Variants in PPP6R2 observed in about 807,000 individuals in gnomAD.
PPP6R2 encodes serine/threonine-protein phosphatase 6 regulatory subunit 2.
Under a neutral mutation model 100.2 loss-of-function variants are expected in PPP6R2, and 62 were observed. The ratio of observed to expected loss-of-function variants is 0.62; its 90% CI spans 0.50 to 0.76. The LOEUF (loss-of-function observed/expected upper bound fraction) is 0.76. PPP6R2 is among the 30% of genes least tolerant of loss of function. The pLI, the probability that PPP6R2 is intolerant of heterozygous loss-of-function variation, is 0.00. For synonymous variants in PPP6R2, 525 were observed against 514.7 expected (o/e 1.02, Z -0.27); for missense variants, 1,142 against 1,276.3 (o/e 0.89, Z 1.60).
At chr22:50,399,736 A>G (rs2057715310) in intron 3 of PPP6R2, among the ~76,000 whole-genome samples, 1 of 152,272 alleles carries the variant, frequency 6.6e-6, no homozygotes, top group African/African-American at 2.4e-5. Flanking sequence ...AAGGCCTCAC[A>G]TGCAGCTAGC....
intron 17 of PPP6R2, 100 bp downstream of exon 17, chr22:50,438,000 G>T (rs2064759779): frequency 6.6e-7 from 1 of 1,516,406 alleles, no homozygotes. Context: ...GGTGGGGCTG[G>T]GAGAGGCCCC....
chr22:50,338,196 AGT>A, the PPP6R2 span, among the ~76,000 whole-genome samples: 4 of 103,478 alleles, frequency 3.9e-5, no homozygotes, highest in African/African-American at 1.2e-4. Flanking sequence ...GTGTGGGTAT[AGT>A]GTGTGTCGGG....
At chr22:50,372,563 C>CAA (rs943136886) in intron 2 of PPP6R2, among the ~76,000 whole-genome samples, 2 of 151,848 alleles carry the variant, frequency 1.3e-5, no homozygotes, top group Non-Finnish European at 2.9e-5. Context: ...CAAAACAAAA[C>CAA]AAAACAAAAA....
chr22:50,420,598 G>C (rs1354420416), intron 8 of PPP6R2, among the ~76,000 whole-genome samples: 2 of 152,238 alleles, frequency 1.3e-5, no homozygotes, highest in Admixed American at 6.5e-5. Flanking sequence ...AGTCATAGAA[G>C]GCTGGGCACT....
In PPP6R2 at chr22:50,436,987, G is replaced by A; in HGVS notation, c.1603-1G>A. 6.4e-7 allele frequency: 1 copy of A among 1,555,118 alleles called. No individual in the cohort carries two copies. Among genetic ancestry groups the A allele is most frequent in the South Asian group, 1.2e-5 (1 of 84,368 alleles). On this transcript the variant is annotated splice_acceptor_variant, in intron 14 of 23. Coordinates refer to ENST00000612753, the MANE Select transcript of PPP6R2 (RefSeq NM_001242898.2). LOFTEE classifies it high-confidence loss of function. Reference sequence around the variant, plus strand: ...CCCACCCCATCTGGCCTGTGTTTTAGGTGAGCACTCACCACCTTCACTCCT... The same window carrying A: ...CCCACCCCATCTGGCCTGTGTTTTAAGTGAGCACTCACCACCTTCACTCCT...
chr22:50,429,453 G>A (rs1453019729), intron 10 of PPP6R2, among the ~76,000 whole-genome samples: 1 of 152,194 alleles, frequency 6.6e-6, no homozygotes, highest in Non-Finnish European at 1.5e-5. Flanking sequence ...TTGCATTTGA[G>A]GAGCAAATCC....
chr22:50,379,657 G>C (rs1212072820), intron 2 of PPP6R2, among the ~76,000 whole-genome samples: 1 of 151,858 alleles, frequency 6.6e-6, no homozygotes, highest in African/African-American at 2.4e-5. Flanking sequence ...CTTTGGGAGG[G>C]TCACTTGAGC....
At chr22:50,396,024 G>A (rs942356191) in intron 3 of PPP6R2, among the ~76,000 whole-genome samples, 5 of 150,638 alleles carry the variant, frequency 3.3e-5, no homozygotes, top group African/African-American at 9.8e-5. Flanking sequence ...GTGAAACCCC[G>A]TCTCTAATAA....
In PPP6R2 at chr22:50,372,527, C is replaced by T. The variant is rs889928651; in HGVS notation, c.-17+377C>T. Among the ~76,000 whole-genome samples, 14 of 151,696 alleles carry T rather than the reference C, an allele frequency of 9.2e-5. 2 individuals carry two copies. Among genetic ancestry groups the T allele is most frequent in the South Asian group, 8.4e-4 (4 of 4,764 alleles). ...TCGTGTCACTGTACTCCAGTCTGGG[C>T]GACAGAGCAAGACTCTGTTTCAAAA... On this transcript the variant is annotated intron_variant, in intron 2 of 23. Transcript: ENST00000612753.
chr22:50,384,040 A>AC (rs1556003458), intron 2 of PPP6R2, among the ~76,000 whole-genome samples: 7 of 150,744 alleles, frequency 4.6e-5, no homozygotes, highest in African/African-American at 7.3e-5. Context: ...CATCTCAAAA[A>AC]AAAAAAAAAA....
chr22:50,419,669 T>A (rs972563403), intron 8 of PPP6R2, among the ~76,000 whole-genome samples: 1 of 152,246 alleles, frequency 6.6e-6, no homozygotes, highest in Non-Finnish European at 1.5e-5. Context: ...GTGCTCCCTC[T>A]CCAGCCTGAA....
chr22:50,331,325 A>C, the PPP6R2 span, among the ~76,000 whole-genome samples: 6 of 151,958 alleles, frequency 3.9e-5, no homozygotes, highest in African/African-American at 1.5e-4. Flanking sequence ...GATATGTAGG[A>C]GTGAAAGTAT....
chr22:50,380,918 G>A (rs1366475779), intron 2 of PPP6R2, among the ~76,000 whole-genome samples: 1 of 150,674 alleles, frequency 6.6e-6, no homozygotes, highest in Admixed American at 6.6e-5. Flanking sequence ...GAACCCAGGA[G>A]GCGGAGCTTG....
intron 1 of PPP6R2, among the ~76,000 whole-genome samples, chr22:50,356,464 A>G (rs559081647): frequency 6.6e-6 from 1 of 152,132 alleles, no homozygotes; most frequent in East Asian, 1.9e-4. Context: ...CACCATGTCC[A>G]GCTAATTTTT....
chr22:50,426,348 A>G (rs2147942271), intron 10 of PPP6R2, among the ~76,000 whole-genome samples: 1 of 152,348 alleles, frequency 6.6e-6, no homozygotes, highest in South Asian at 2.1e-4. Flanking sequence ...TTTCGGTGTC[A>G]TATCCAAAAA....
intron 2 of PPP6R2, among the ~76,000 whole-genome samples, chr22:50,373,269 T>A (rs1344889220): frequency 7.2e-6 from 1 of 139,362 alleles, no homozygotes; most frequent in Non-Finnish European, 1.5e-5. Flanking sequence ...TGAGACAGAG[T>A]CTTGCTCAGT....
At chr22:50,408,944 G>A (rs996775679) in intron 4 of PPP6R2, among the ~76,000 whole-genome samples, 20 of 152,138 alleles carry the variant, frequency 1.3e-4, no homozygotes, top group Admixed American at 7.2e-4. Flanking sequence ...GAGAAACCCC[G>A]TCTCTACTAA....
intron 16 of PPP6R2, 37 bp from the exon 17 acceptor site, chr22:50,437,806 T>G (rs5770779): frequency 5.8e-6 from 9 of 1,550,110 alleles, no homozygotes; most frequent in African/African-American, 5.5e-5. Context: ...GCAGTGGGCC[T>G]GGAGGAACGC....
chr22:50,335,737 G>A, the PPP6R2 span, among the ~76,000 whole-genome samples: 4 of 139,328 alleles, frequency 2.9e-5, no homozygotes, highest in South Asian at 4.8e-4. Flanking sequence ...GAGCAGTGGC[G>A]CAATCTTGGC....
Sources: allele counts gnomAD v4.1 joint callset (sites outside exome capture counted in the v4.1 genomes callset), GRCh38; gene constraint gnomAD v4.1.1; transcripts MANE v1.5; gene names NCBI Gene and HGNC (gene_info 2026-07-23, HGNC 2026-07-21).